The following SV2C variants were observed in gnomAD, a reference collection of about 807,000 sequenced individuals.
SV2C encodes solute carrier family 22 member B3.
A neutral mutation model predicts 79.7 loss-of-function variants in SV2C; 49 were observed. The ratio of observed to expected loss-of-function variants is 0.61; its 90% CI spans 0.49 to 0.78. The LOEUF is 0.78. Ranked by LOEUF, SV2C falls within the 30% of genes least tolerant of loss-of-function variation. SV2C has a pLI of 0.00. For synonymous variants in SV2C, 334 were observed against 333.2 expected (o/e 1.00, Z -0.03); for missense variants, 833 against 912.9 (o/e 0.91, Z 1.13).
At chr5:76,062,925 G>A in the SV2C span, among the ~76,000 whole-genome samples, 3 of 152,114 alleles carry the variant, frequency 2.0e-5, no homozygotes, top group Admixed American at 6.6e-5. Context: ...CCACGAAGCA[G>A]GCATTCAAAT....
chr5:76,037,250 A>T, the SV2C span, among the ~76,000 whole-genome samples: 1 of 152,178 alleles, frequency 6.6e-6, no homozygotes, highest in African/African-American at 2.4e-5. Context: ...CAGCTCGTCA[A>T]AGTCATTCTA....
the SV2C span, among the ~76,000 whole-genome samples, chr5:76,077,037 T>A: frequency 9.5e-3 from 1,443 of 152,318 alleles, 18 homozygotes; most frequent in African/African-American, 0.033. Context: ...TTAAGAAGTA[T>A]TCATTAGAAT....
the SV2C span, among the ~76,000 whole-genome samples, chr5:75,874,137 A>G: frequency 1.3e-5 from 2 of 152,120 alleles, no homozygotes; most frequent in African/African-American, 4.8e-5. Flanking sequence ...CTTGACAAAC[A>G]TCATGCAAAA....
At chr5:75,867,813 C>T in the SV2C span, among the ~76,000 whole-genome samples, 45 of 152,212 alleles carry the variant, frequency 3.0e-4, no homozygotes, top group African/African-American at 1.1e-3. Context: ...GTTTTTACCT[C>T]TCTCAGCAAA....
At chr5:76,348,789 A>C (rs1371922451) in intron 12 of SV2C, among the ~76,000 whole-genome samples, 1 of 151,708 alleles carries the variant, frequency 6.6e-6, no homozygotes, top group Non-Finnish European at 1.5e-5. Flanking sequence ...TCACAAGATC[A>C]GGAGTTCAAG....
chr5:76,225,980 G>C (rs971081648), intron 4 of SV2C, among the ~76,000 whole-genome samples: 1 of 152,264 alleles, frequency 6.6e-6, no homozygotes, highest in East Asian at 1.9e-4. Context: ...TCTGGTCTGG[G>C]GTAAGAGCAA....
intron 2 of SV2C, among the ~76,000 whole-genome samples, chr5:76,192,256 T>C (rs184258316): frequency 8.5e-5 from 13 of 152,224 alleles, no homozygotes. Context: ...TGGAGTGGCG[T>C]CTAAGAGTCT....
chr5:75,896,687 G>T, the SV2C span, among the ~76,000 whole-genome samples: 1 of 151,318 alleles, frequency 6.6e-6, no homozygotes, highest in South Asian at 2.1e-4. Context: ...CCCACCAACA[G>T]TGTAAAAGTG....
rs1391731744 is a variant in SV2C, at chr5:76,295,918, C to G, written c.1478C>G (p.Thr493Ser). 1 of 1,610,010 alleles carries G rather than the reference C, an allele frequency of 6.2e-7. No individual in the cohort carries two copies. Among genetic ancestry groups the G allele is most frequent in the Non-Finnish European group, 8.5e-7 (1 of 1,178,414 alleles). ...TTTACAATGGAAAATCAGATTCATA[C>G]TGGAATGGAATACGACAATGGCAGG... ...INFTMENQIH[T>S]GMEYDNGRFI... The change falls in exon 9 of 13, where the codon ACT (threonine) becomes AGT (serine). Residue 493 changes from threonine to serine, a missense_variant. Thr to Ser is a moderately conservative substitution (Grantham distance 58). Transcript: ENST00000502798.
intron 8 of SV2C, among the ~76,000 whole-genome samples, chr5:76,294,909 T>G (rs1003441736): frequency 3.9e-5 from 6 of 152,186 alleles, no homozygotes; most frequent in Admixed American, 2.6e-4. Context: ...ACCCCCAGGA[T>G]AGCAGTATCA....
chr5:76,116,067 C>T (rs536569042), intron 1 of SV2C, among the ~76,000 whole-genome samples: 198 of 152,354 alleles, frequency 1.3e-3, no homozygotes, highest in Non-Finnish European at 2.3e-3. Flanking sequence ...GCAGCACCTC[C>T]TGCACCCTAT....
the SV2C span, among the ~76,000 whole-genome samples, chr5:75,967,378 C>T: frequency 3.3e-5 from 5 of 152,302 alleles, no homozygotes; most frequent in Non-Finnish European, 7.4e-5. Flanking sequence ...CAAGGCATCA[C>T]CTCACCCGGG....
intron 2 of SV2C, among the ~76,000 whole-genome samples, chr5:76,190,521 G>A (rs1561256930): frequency 1.3e-5 from 2 of 152,190 alleles, no homozygotes; most frequent in Admixed American, 6.5e-5. Flanking sequence ...ATCAGATATT[G>A]AAGACAACCA....
chr5:76,085,440 A>G (rs1441899168), intron 1 of SV2C, among the ~76,000 whole-genome samples: 7 of 152,286 alleles, frequency 4.6e-5, no homozygotes, highest in Middle Eastern at 3.4e-3. Flanking sequence ...TTTAAAGACC[A>G]CTTTCTGGAA....
chr5:76,080,932 C>T (rs1239489545), upstream of SV2C, among the ~76,000 whole-genome samples: 5 of 152,190 alleles, frequency 3.3e-5, no homozygotes, highest in Non-Finnish European at 7.3e-5. Context: ...GACCCTAGAA[C>T]CAGAACTGCT....
chr5:75,870,256 C>T, the SV2C span, among the ~76,000 whole-genome samples: 1 of 151,842 alleles, frequency 6.6e-6, no homozygotes, highest in East Asian at 1.9e-4. Flanking sequence ...AGAAAAAATT[C>T]AACATAACAC....
At chr5:76,049,015 G>GAAAGAAAGAA in the SV2C span, among the ~76,000 whole-genome samples, 1 of 90,290 alleles carries the variant, frequency 1.1e-5, no homozygotes, top group Admixed American at 1.5e-4. Context: ...AAGAAAGAAA[G>GAAAGAAAGAA]AAAGAAAGAA....
chr5:75,955,703 AAAAC>A, the SV2C span, among the ~76,000 whole-genome samples: 2 of 149,292 alleles, frequency 1.3e-5, no homozygotes, highest in Admixed American at 6.6e-5. Flanking sequence ...TTACAAGAAA[AAAAC>A]AAACAACCCC....
the SV2C span, among the ~76,000 whole-genome samples, chr5:75,976,522 A>T: frequency 1.3e-5 from 2 of 152,072 alleles, no homozygotes; most frequent in South Asian, 4.2e-4. Flanking sequence ...TTTCAGACAG[A>T]GTCCAGTCTC....
Sources: allele counts gnomAD v4.1 joint callset (sites outside exome capture counted in the v4.1 genomes callset), GRCh38; gene constraint gnomAD v4.1.1; transcripts MANE v1.5; gene names NCBI Gene and HGNC (gene_info 2026-07-23, HGNC 2026-07-21).